Variants in KCNIP4 observed in about 807,000 individuals in gnomAD.
KCNIP4 encodes the protein Kv channel-interacting protein 4.
A neutral mutation model predicts 34.0 loss-of-function variants in KCNIP4; 12 were observed. The observed-to-expected ratio is 0.35, with a 90% confidence interval of 0.23 to 0.57. The LOEUF is 0.57. Ranked by LOEUF, KCNIP4 falls within the 20% of genes least tolerant of loss-of-function variation. KCNIP4 has a pLI of 0.83. For missense variants in KCNIP4, 238 were observed against 311.7 expected, an observed-to-expected ratio of 0.76 and a Z score of 1.78; for synonymous variants, 124 against 102.2, an observed-to-expected ratio of 1.21 and a Z score of -1.29.
At chr4:20,936,092 T>A (rs1275967649) in intron 1 of KCNIP4, among the ~76,000 whole-genome samples, 1 of 151,902 alleles carries the variant, frequency 6.6e-6, no homozygotes, top group African/African-American at 2.4e-5. Context: ...AGTTTTTTTT[T>A]TAACTTACAA....
At chr4:21,498,289 T>C (rs1282987600) in intron 1 of KCNIP4, among the ~76,000 whole-genome samples, 1 of 152,184 alleles carries the variant, frequency 6.6e-6, no homozygotes, top group Admixed American at 6.5e-5. Context: ...TTTAGAACTA[T>C]GACATTCTTC....
At chr4:21,370,694 A>G (rs1468101174) in intron 1 of KCNIP4, among the ~76,000 whole-genome samples, 1 of 138,682 alleles carries the variant, frequency 7.2e-6, no homozygotes, top group Non-Finnish European at 1.5e-5. Flanking sequence ...GCCATTTGGG[A>G]TATCTAGCAG....
intron 3 of KCNIP4, among the ~76,000 whole-genome samples, chr4:20,785,449 G>A (rs147065008): frequency 3.0e-4 from 46 of 151,170 alleles, no homozygotes; most frequent in African/African-American, 6.8e-4. Flanking sequence ...GCTGGTGTTC[G>A]TGTTCTCAGA....
intron 1 of KCNIP4, among the ~76,000 whole-genome samples, chr4:21,894,747 A>C (rs960281813): frequency 5.9e-5 from 9 of 152,250 alleles, no homozygotes; most frequent in African/African-American, 2.2e-4. Flanking sequence ...ACTTGCCAAC[A>C]GAAGTTGGTT....
intron 1 of KCNIP4, among the ~76,000 whole-genome samples, chr4:21,364,230 A>G (rs750558144): frequency 1.1e-4 from 16 of 152,120 alleles, no homozygotes; most frequent in South Asian, 4.1e-4. Flanking sequence ...TCCTAAATTC[A>G]TTTACGCATT....
chr4:21,069,184 T>C (rs1373388886), intron 1 of KCNIP4, among the ~76,000 whole-genome samples: 2 of 152,218 alleles, frequency 1.3e-5, no homozygotes, highest in East Asian at 3.8e-4. Flanking sequence ...GCAGCCACAC[T>C]ATTGACTCAT....
intron 1 of KCNIP4, among the ~76,000 whole-genome samples, chr4:21,419,797 G>T (rs1202615882): frequency 6.6e-6 from 1 of 152,146 alleles, no homozygotes; most frequent in Non-Finnish European, 1.5e-5. Context: ...GTGTAGAAGA[G>T]ATTTAGGAAA....
At chr4:21,174,075 T>G (rs76110377) in intron 1 of KCNIP4, among the ~76,000 whole-genome samples, 3,402 of 152,270 alleles carry the variant, frequency 0.022, 143 homozygotes, top group African/African-American at 0.077. Flanking sequence ...GTCAAATTGT[T>G]CCCTTATAAC....
At chr4:21,552,830 T>A (rs1179385954) in intron 1 of KCNIP4, among the ~76,000 whole-genome samples, 2 of 151,846 alleles carry the variant, frequency 1.3e-5, no homozygotes, top group Admixed American at 6.6e-5. Flanking sequence ...AGAAGGAGCA[T>A]CAGGAAATAA....
At chr4:21,157,435 T>C (rs4697209) in intron 1 of KCNIP4, among the ~76,000 whole-genome samples, 116 of 152,128 alleles carry the variant, frequency 7.6e-4, no homozygotes, top group Admixed American at 6.4e-3. Flanking sequence ...AGGGACAAGA[T>C]TTACATTCCC....
chr4:21,811,268 A>G (rs1242445504), intron 1 of KCNIP4, among the ~76,000 whole-genome samples: 2 of 152,234 alleles, frequency 1.3e-5, no homozygotes, highest in Non-Finnish European at 2.9e-5. Flanking sequence ...TTAAAGATGG[A>G]TAAGAGTAAA....
chr4:21,584,972 G>A (rs927298408), intron 1 of KCNIP4, among the ~76,000 whole-genome samples: 1 of 152,000 alleles, frequency 6.6e-6, no homozygotes, highest in Non-Finnish European at 1.5e-5. Flanking sequence ...GGAAAAAACT[G>A]AGGTGGAGAA....
chr4:21,611,992 G>A (rs548836437), intron 1 of KCNIP4, among the ~76,000 whole-genome samples: 2 of 152,072 alleles, frequency 1.3e-5, no homozygotes, highest in African/African-American at 2.4e-5. Context: ...TCTTAGTTAC[G>A]AGACAAACTT....
chr4:21,849,053 T>G (rs1426397438), intron 1 of KCNIP4: 1 of 151,988 alleles, frequency 6.6e-6, no homozygotes, highest in East Asian at 1.9e-4. Flanking sequence ...TACCATTTGT[T>G]GGAATCATTC....
chr4:20,943,353 T>C (rs1196732997), intron 1 of KCNIP4, among the ~76,000 whole-genome samples: 1 of 152,206 alleles, frequency 6.6e-6, no homozygotes, highest in African/African-American at 2.4e-5. Context: ...TGTATTCTCT[T>C]CTTATGAAGG....
chr4:21,754,022 G>A (rs1192058015), intron 1 of KCNIP4, among the ~76,000 whole-genome samples: 2 of 152,162 alleles, frequency 1.3e-5, no homozygotes, highest in African/African-American at 4.8e-5. Flanking sequence ...ATGCACCAAC[G>A]AATGAGACAG....
chr4:20,732,276 T>C (rs1748499136), intron 7 of KCNIP4, among the ~76,000 whole-genome samples: 1 of 152,256 alleles, frequency 6.6e-6, no homozygotes, highest in Admixed American at 6.5e-5. Flanking sequence ...CAATATAATG[T>C]GGTGAAGATG....
intron 1 of KCNIP4, among the ~76,000 whole-genome samples, chr4:21,524,994 A>G (rs1735854217): frequency 6.6e-6 from 1 of 152,170 alleles, no homozygotes; most frequent in African/African-American, 2.4e-5. Context: ...CAATAGAGCC[A>G]GTAGCAGCCC....
intron 1 of KCNIP4, among the ~76,000 whole-genome samples, chr4:21,232,141 G>A (rs1758836777): frequency 1.3e-5 from 2 of 152,092 alleles, no homozygotes; most frequent in South Asian, 2.1e-4. Flanking sequence ...ATGTGTTGGA[G>A]ACAAATGTTT....
Sources: allele counts gnomAD v4.1 joint callset (sites outside exome capture counted in the v4.1 genomes callset), GRCh38; gene constraint gnomAD v4.1.1; transcripts MANE v1.5; gene names NCBI Gene and HGNC (gene_info 2026-07-23, HGNC 2026-07-21).